The following FAM3B variants were observed in gnomAD, a reference collection of about 807,000 sequenced individuals.
FAM3B encodes the protein FAM3 metabolism regulating signaling molecule B, also known as protein FAM3B.
Under a neutral mutation model 28.4 loss-of-function variants are expected in FAM3B, and 29 were observed. The observed-to-expected ratio is 1.02, with a 90% confidence interval of 0.76 to 1.39. The LOEUF (loss-of-function observed/expected upper bound fraction) is 1.39, where lower values mean the gene tolerates loss of function less well. Among genes scored for constraint, FAM3B ranks in the 40% most tolerant of loss-of-function variants. FAM3B has a pLI of 0.00. For missense variants in FAM3B, 266 were observed against 293.9 expected (o/e 0.91, Z 0.69); for synonymous variants, 91 against 103.0 (o/e 0.88, Z 0.71).
At chr21:41,305,346 C>T (rs1331883618) in intron 1 of FAM3B, among the ~76,000 whole-genome samples, 1 of 152,168 alleles carries the variant, frequency 6.6e-6, no homozygotes, top group African/African-American at 2.4e-5. Flanking sequence ...CCCAAACTAC[C>T]AACACGTGGC....
At chr21:41,335,958 T>A (rs1374922293) in intron 2 of FAM3B, among the ~76,000 whole-genome samples, 1 of 152,206 alleles carries the variant, frequency 6.6e-6, no homozygotes, top group East Asian at 1.9e-4. Context: ...AGTGTTGATG[T>A]CCCACCAGTA....
chr21:41,311,703 T>C (rs1374710093), intron 1 of FAM3B, among the ~76,000 whole-genome samples: 3 of 152,162 alleles, frequency 2.0e-5, no homozygotes, highest in Non-Finnish European at 2.9e-5. Flanking sequence ...TGTTGAAATA[T>C]GTTGTTTTCG....
Position 41,316,910 on chromosome 21 carries a change from C to A in FAM3B, c.19+12C>A. On this transcript the variant is annotated intron_variant, in intron 1 of 7. Coordinates refer to ENST00000357985, the MANE Select transcript of FAM3B (RefSeq NM_058186.4). ...CCCATTGGCTGGTGGTGAGTGCGCCCCCGCCTCGGGGCGAGGGTAGGGGCG... is the reference window on the plus strand; with the variant it reads ...CCCATTGGCTGGTGGTGAGTGCGCCACCGCCTCGGGGCGAGGGTAGGGGCG... The A allele has an allele frequency of 7.4e-7, 1 of 1,360,264 alleles. No individual in the cohort carries two copies. The highest frequency in any genetic ancestry group is 2.9e-5 in the East Asian group (1 of 34,228). The allele number at this position is 1,360,264 out of a possible 1,614,324, so 84.3% of individuals were successfully genotyped here. A position where few individuals can be genotyped will look rare whatever the true frequency, so the allele number is the denominator to read the frequency against.
At chr21:41,330,395 A>G (rs2088894683) in intron 2 of FAM3B, among the ~76,000 whole-genome samples, 1 of 152,222 alleles carries the variant, frequency 6.6e-6, no homozygotes, top group Non-Finnish European at 1.5e-5. Context: ...ACTGGTATAT[A>G]TAGGGTTCTG....
chr21:41,333,547 C>T (rs558837110), intron 2 of FAM3B, among the ~76,000 whole-genome samples: 2 of 152,190 alleles, frequency 1.3e-5, no homozygotes, highest in Non-Finnish European at 2.9e-5. Context: ...CTGGGGCCTC[C>T]CCAGAAGCTG....
intron 5 of FAM3B, chr21:41,346,021 T>TA (rs1568921864): frequency 5.4e-4 from 132 of 244,586 alleles, no homozygotes; most frequent in African/African-American, 3.1e-3. Context: ...AGCCTTTTTT[T>TA]TAAAAAAAAA....
At chr21:41,337,792 A>G (rs1341740994) in intron 2 of FAM3B, among the ~76,000 whole-genome samples, 2 of 150,700 alleles carry the variant, frequency 1.3e-5, no homozygotes, top group African/African-American at 4.9e-5. Flanking sequence ...TTGTGTGTGA[A>G]TGTGTGCTGT....
Position 41,357,323 on chromosome 21 carries a change from G to C in FAM3B, c.*126G>C. The C allele has an allele frequency of 2.0e-6, 1 of 500,736 alleles. No individual in the cohort carries two copies. The highest frequency in any genetic ancestry group is 3.5e-6 in the Non-Finnish European group (1 of 284,334). The allele number at this position is 500,736 out of a possible 1,614,324, so 31.0% of individuals were successfully genotyped here. The stretch of plus-strand genomic sequence containing the variant: ...TATTTTGGGTTTGTTGTAAACCAAT[G>C]AACATTTGCTAGTTGTATCAAATCT... On this transcript the variant is annotated 3_prime_UTR_variant, in exon 8 of 8. Transcript: ENST00000357985.
chr21:41,347,101 G>A lies in FAM3B; in HGVS notation c.485+1G>A, dbSNP rs1320133462. The A allele has an allele frequency of 1.9e-6, 3 of 1,613,936 alleles. No homozygotes were observed. The highest frequency in any genetic ancestry group is 2.2e-5 in the East Asian group (1 of 44,890). On this transcript the variant is annotated splice_donor_variant, in intron 6 of 7. Coordinates refer to ENST00000357985, the MANE Select transcript of FAM3B (RefSeq NM_058186.4). LOFTEE classifies it high-confidence loss of function. ...TGACCTATGACGACGGAAGCACAAG[G>A]TGAGTGGGTGTAGGTCTGTCACAGC...
chr21:41,342,858 G>A (rs141940983), intron 3 of FAM3B, among the ~76,000 whole-genome samples: 1 of 152,194 alleles, frequency 6.6e-6, no homozygotes, highest in East Asian at 1.9e-4. Context: ...GTGTGCGTTG[G>A]CCTTTTTCCT....
upstream of FAM3B, among the ~76,000 whole-genome samples, chr21:41,314,925 C>T (rs1294417234): frequency 6.6e-6 from 1 of 152,106 alleles, no homozygotes; most frequent in Non-Finnish European, 1.5e-5. Flanking sequence ...CCAGCAATTC[C>T]ACTTCTCAGT....
At chr21:41,339,971 A>G (rs2145819977) in intron 3 of FAM3B, among the ~76,000 whole-genome samples, 1 of 152,302 alleles carries the variant, frequency 6.6e-6, no homozygotes, top group Non-Finnish European at 1.5e-5. Flanking sequence ...CCTCAGAACC[A>G]GAGAGGCAGA....
At chr21:41,340,428 A>G (rs994019037) in intron 3 of FAM3B, among the ~76,000 whole-genome samples, 1 of 152,174 alleles carries the variant, frequency 6.6e-6, no homozygotes, top group East Asian at 1.9e-4. Flanking sequence ...CTGGGATTAC[A>G]GGCATGAGCC....
At chr21:41,307,063 A>AGTTAGAGACTTC (rs1453339318) in intron 1 of FAM3B, among the ~76,000 whole-genome samples, 1 of 152,246 alleles carries the variant, frequency 6.6e-6, no homozygotes, top group Non-Finnish European at 1.5e-5. Context: ...AAAGTCCCAG[A>AGTTAGAGACTTC]TGGCACCTTC....
chr21:41,323,374 AG>A (rs1388654446), intron 2 of FAM3B, among the ~76,000 whole-genome samples: 3 of 152,328 alleles, frequency 2.0e-5, no homozygotes, highest in Non-Finnish European at 2.9e-5. Context: ...AGGAGGGTCC[AG>A]GTTCTGAGAT....
At chr21:41,350,549 C>A (rs751759601) in intron 7 of FAM3B, among the ~76,000 whole-genome samples, 1 of 152,220 alleles carries the variant, frequency 6.6e-6, no homozygotes, top group Non-Finnish European at 1.5e-5. Flanking sequence ...CCCACCAGCC[C>A]ACCCCAAACC....
At chr21:41,345,060 C>A (rs1000717129) in intron 4 of FAM3B, among the ~76,000 whole-genome samples, 1 of 152,206 alleles carries the variant, frequency 6.6e-6, no homozygotes, top group Non-Finnish European at 1.5e-5. Flanking sequence ...GTGAGTGGGC[C>A]GCATAGCCCC....
At position 41,338,453 on chromosome 21, in the gene FAM3B, G is replaced by T. The variant is rs771407633; in HGVS notation, c.239G>T (p.Ser80Ile). 9 of 1,614,066 alleles carry T rather than the reference G, an allele frequency of 5.6e-6. No homozygotes were observed. The highest frequency in any genetic ancestry group is 7.6e-6 in the Non-Finnish European group (9 of 1,180,028). The change falls in exon 3 of 8, where the codon AGC (serine) becomes ATC (isoleucine). Residue 80 changes from serine (S) to isoleucine (I), a missense_variant. Coordinates refer to ENST00000357985, the MANE Select transcript of FAM3B (RefSeq NM_058186.4). ...PSDTYAYRLL[S>I]GGGRSKYAKI... The stretch of plus-strand genomic sequence containing the variant: ...GACACCTATGCCTACAGGTTACTCA[G>T]CGGAGGTGGCAGAAGCAAGTACGCC...
At chr21:41,338,587 C>T (rs887797998) in intron 3 of FAM3B, 86 bp downstream of exon 3, 15 of 1,552,526 alleles carry the variant, frequency 9.7e-6, no homozygotes, top group Non-Finnish European at 1.3e-5. Flanking sequence ...CAGTTCTGCC[C>T]ACAGGAGAGA....
Sources: allele counts gnomAD v4.1 joint callset (sites outside exome capture counted in the v4.1 genomes callset), GRCh38; gene constraint gnomAD v4.1.1; transcripts MANE v1.5; gene names NCBI Gene and HGNC (gene_info 2026-07-23, HGNC 2026-07-21).